Variants in VWA3B observed in about 807,000 individuals in gnomAD.
The protein encoded by VWA3B is von Willebrand factor A domain-containing protein 3B.
A neutral mutation model predicts 158.3 loss-of-function variants in VWA3B; 138 were observed. The observed-to-expected ratio is 0.87, with a 90% confidence interval of 0.76 to 1.00. The LOEUF is 1.00. Ranked by LOEUF, VWA3B falls within the 50% of genes least tolerant of loss-of-function variation. VWA3B has a pLI of 0.00. For missense variants in VWA3B, 1,555 were observed against 1,565.1 expected, an observed-to-expected ratio of 0.99 and a Z score of 0.11; for synonymous variants, 596 against 587.3, an observed-to-expected ratio of 1.01 and a Z score of -0.21.
At chr2:98,257,174 G>T (rs1306199698) in intron 21 of VWA3B, among the ~76,000 whole-genome samples, 2 of 151,508 alleles carry the variant, frequency 1.3e-5, no homozygotes, top group South Asian at 4.2e-4. Context: ...ACTTTTTTTT[G>T]TTTTTAGCTC....
rs372446893 is a variant in VWA3B at position 98,187,635 on chromosome 2, TCTCTCC to T, written c.1312-327_1312-322del. 2.0e-5 allele frequency among the ~76,000 whole-genome samples: 3 copies of T among 150,246 alleles called. No homozygotes were observed. In the East Asian group the frequency reaches 6.0e-4, roughly 30 times the overall value. On this transcript the variant is annotated intron_variant, in intron 9 of 27. Coordinates refer to ENST00000477737, the MANE Select transcript of VWA3B (RefSeq NM_144992.5). ...TTCTCCACATTGCTATGTCTCTCTC[TCTCTCC>T]CTCTCCCTCTCCGTCTCTGTGTCTG...
chr2:98,226,731 A>G (rs1354026382), intron 14 of VWA3B, among the ~76,000 whole-genome samples: 5 of 152,230 alleles, frequency 3.3e-5, no homozygotes, highest in African/African-American at 4.8e-5. Context: ...ACAGTAGAAA[A>G]CAAACCATCT....
intron 1 of VWA3B, among the ~76,000 whole-genome samples, chr2:98,088,038 C>A: frequency 6.6e-6 from 1 of 152,140 alleles, no homozygotes; most frequent in East Asian, 1.9e-4. Context: ...ATTATTTGAG[C>A]CAATGATCAC....
At chr2:98,098,910 A>C (rs1209880509) in intron 2 of VWA3B, among the ~76,000 whole-genome samples, 1 of 152,130 alleles carries the variant, frequency 6.6e-6, no homozygotes, top group Non-Finnish European at 1.5e-5. Context: ...GGCTTACAAA[A>C]ACCATCTTAT....
chr2:98,139,311 C>G (rs1401348382), intron 7 of VWA3B, among the ~76,000 whole-genome samples: 1 of 152,240 alleles, frequency 6.6e-6, no homozygotes, highest in Non-Finnish European at 1.5e-5. Context: ...CTGTGCAGCC[C>G]AAGCCTCCCC....
intron 19 of VWA3B, among the ~76,000 whole-genome samples, chr2:98,237,260 G>A (rs1482990316): frequency 1.3e-5 from 2 of 152,218 alleles, no homozygotes; most frequent in Non-Finnish European, 2.9e-5. Flanking sequence ...CGTTGCTAAC[G>A]GATAGAAGTG....
At chr2:98,322,902 A>C in the VWA3B span, among the ~76,000 whole-genome samples, 1 of 152,182 alleles carries the variant, frequency 6.6e-6, no homozygotes, top group African/African-American at 2.4e-5. Flanking sequence ...TACAAGAGAA[A>C]AAAGTTTGCA....
intron 2 of VWA3B, among the ~76,000 whole-genome samples, chr2:98,104,157 T>TA (rs1307534147): frequency 3.9e-5 from 6 of 152,232 alleles, no homozygotes; most frequent in African/African-American, 1.4e-4. Context: ...TGCAGTTGCA[T>TA]ATGTCTTAAT....
rs187462521 is a variant in VWA3B at position 98,209,320 on chromosome 2, G to A, written c.1738-2610G>A. On this transcript the variant is annotated intron_variant, in intron 12 of 27. Transcript: ENST00000477737. ...TTTTGAGATGGAGTCTTGTACTGTC[G>A]CCCAGGCTAGAGTGTGGTGGCGCGA... is the stretch of plus-strand genomic sequence containing the variant. Among the ~76,000 whole-genome samples, 27 of 151,896 alleles carry A rather than the reference G, an allele frequency of 1.8e-4. 1 individual carries two copies. In the East Asian group the frequency reaches 4.6e-3, roughly 26 times the overall value.
At chr2:98,294,093 G>A (rs1029848845) in intron 23 of VWA3B, among the ~76,000 whole-genome samples, 4 of 149,790 alleles carry the variant, frequency 2.7e-5, no homozygotes, top group African/African-American at 9.9e-5. Flanking sequence ...TGGCCCTCTG[G>A]GTCATCCCGT....
At chr2:98,285,150 C>A (rs371412796) in intron 22 of VWA3B, among the ~76,000 whole-genome samples, 1 of 152,122 alleles carries the variant, frequency 6.6e-6, no homozygotes, top group Non-Finnish European at 1.5e-5. Context: ...AGTTTTAGAA[C>A]GTTATCTTCC....
intron 17 of VWA3B, among the ~76,000 whole-genome samples, chr2:98,235,967 C>T (rs1183432138): frequency 6.6e-5 from 10 of 152,170 alleles, no homozygotes; most frequent in Non-Finnish European, 1.3e-4. Flanking sequence ...CAGGACCTAA[C>T]AGGTTTTTTG....
intron 23 of VWA3B, among the ~76,000 whole-genome samples, chr2:98,294,325 T>TA (rs199906813): frequency 0.038 from 5,793 of 151,348 alleles, 134 homozygotes; most frequent in Middle Eastern, 0.066. Context: ...ACATTTTTAG[T>TA]AAAAAAAACA....
chr2:98,298,448 C>T (rs62155299), intron 24 of VWA3B, among the ~76,000 whole-genome samples: 1,087 of 88,756 alleles, frequency 0.012, 9 homozygotes, highest in Non-Finnish European at 0.017. Context: ...TATTCTATGC[C>T]ATGCCATGCC....
rs541095662 is a variant in VWA3B, at chr2:98,249,166, T to C, written c.2674-1152T>C. ...TTTCCTGTTAGGCTTTTTTGCATTT[T>C]TGTTTAAATATTAATATATGGAATA... On this transcript the variant is annotated intron_variant, in intron 19 of 27. Coordinates refer to ENST00000477737, the MANE Select transcript of VWA3B (RefSeq NM_144992.5). Among the ~76,000 whole-genome samples, 5 of 152,264 alleles carry C rather than the reference T, an allele frequency of 3.3e-5. No individual in the cohort carries two copies. The South Asian group carries it at 1.0e-3, about 32-fold the overall frequency.
chr2:98,161,494 A>G (rs1678575197), intron 7 of VWA3B, among the ~76,000 whole-genome samples: 2 of 152,222 alleles, frequency 1.3e-5, no homozygotes, highest in Non-Finnish European at 2.9e-5. Flanking sequence ...TAAGGACACC[A>G]TGTTGAATCA....
At position 98,312,267 on chromosome 2, in the gene VWA3B, C is replaced by T; in HGVS notation, c.3803C>T (p.Pro1268Leu). The change falls in exon 28 of 28, where the codon CCT (proline) becomes CTT (leucine). Residue 1268 changes from proline to leucine, a missense_variant. Physicochemically the swap from Pro to Leu is moderately conservative, Grantham distance 98. Transcript: ENST00000477737. ...GLSSHAIIATPPPRAALPCTL... is the reference protein window; with the variant it reads ...GLSSHAIIATLPPRAALPCTL... ...AGCAGCCACGCCATCATTGCCACAC[C>T]TCCACCTCGAGCAGCCCTGCCCTGT... 6.2e-7 allele frequency: 1 copy of T among 1,614,188 alleles called. No homozygotes were observed. The highest frequency in any genetic ancestry group is 8.5e-7 in the Non-Finnish European group (1 of 1,180,018).
At chr2:98,271,223 C>T (rs62157897) in intron 22 of VWA3B, among the ~76,000 whole-genome samples, 5,906 of 152,210 alleles carry the variant, frequency 0.039, 168 homozygotes, top group Middle Eastern at 0.075. Context: ...TTTGGTTACT[C>T]AGTCTCTTTA....
chr2:98,206,724 T>C, intron 12 of VWA3B: 1 of 329,586 alleles, frequency 3.0e-6, no homozygotes, highest in Non-Finnish European at 5.9e-6. Flanking sequence ...GTGGATTTCC[T>C]CACTCCCTAG....
Sources: gnomAD v4.1 joint callset for allele counts (sites outside exome capture counted in the v4.1 genomes callset) on GRCh38, gnomAD v4.1.1 for gene constraint, MANE v1.5 for transcripts, NCBI Gene and HGNC (gene_info 2026-07-23, HGNC 2026-07-21) for gene names.